The following FHIT variants were observed in gnomAD, a reference collection of about 807,000 sequenced individuals.
FHIT encodes bis(5'-adenosyl)-triphosphatase.
In FHIT, 19 loss-of-function variants were observed where a neutral mutation model predicts 17.9. The ratio of observed to expected loss-of-function variants is 1.06; its 90% CI spans 0.74 to 1.56. The LOEUF is 1.56. Ranked by LOEUF, FHIT falls within the 40% of genes most tolerant of loss-of-function variation. FHIT has a pLI of 0.00. For missense variants in FHIT, 248 were observed against 189.2 expected (o/e 1.31, Z -1.82); for synonymous variants, 81 against 69.7 (o/e 1.16, Z -0.81).
chr3:59,816,125 G>C lies in FHIT; in HGVS notation c.349-63804C>G, dbSNP rs535278241. On this transcript the variant is annotated intron_variant, in intron 8 of 9. Transcript: ENST00000492590. ...TGGATCTGGGAGGCTGTGTCTCACA[G>C]AGAGTGACAGCCAAGACTGAATAAC... Among the ~76,000 whole-genome samples the C allele has an allele frequency of 2.6e-5, 4 of 152,262 alleles. No homozygotes were observed. In the South Asian group the frequency reaches 8.3e-4, roughly 32 times the overall value.
intron 3 of FHIT, among the ~76,000 whole-genome samples, chr3:60,840,077 G>C (rs926048999): frequency 6.6e-6 from 1 of 152,050 alleles, no homozygotes; most frequent in Non-Finnish European, 1.5e-5. Context: ...TTAGAGGAAA[G>C]ATATCTTCAG....
chr3:61,193,987 T>C (rs909130474), intron 2 of FHIT, among the ~76,000 whole-genome samples: 73 of 135,410 alleles, frequency 5.4e-4, no homozygotes, highest in African/African-American at 2.0e-3. Context: ...CACAGCTGTG[T>C]AGAAATGTGG....
intron 8 of FHIT, among the ~76,000 whole-genome samples, chr3:59,767,336 T>C (rs1575461281): frequency 6.6e-6 from 1 of 152,070 alleles, no homozygotes; most frequent in African/African-American, 2.4e-5. Flanking sequence ...CTATCTCTAC[T>C]AAAAATGCAA....
chr3:60,019,384 T>C (rs1049478731), intron 5 of FHIT, among the ~76,000 whole-genome samples: 13 of 150,044 alleles, frequency 8.7e-5, no homozygotes, highest in African/African-American at 3.2e-4. Context: ...AGTGAGTAAA[T>C]ACAGGATGGC....
chr3:60,272,025 G>A (rs980121858), intron 5 of FHIT, among the ~76,000 whole-genome samples: 1 of 152,190 alleles, frequency 6.6e-6, no homozygotes, highest in African/African-American at 2.4e-5. Context: ...CTAACTGGAG[G>A]AAGTGAGATG....
chr3:60,399,114 T>C (rs1282014175), intron 5 of FHIT, among the ~76,000 whole-genome samples: 1 of 152,120 alleles, frequency 6.6e-6, no homozygotes, highest in Admixed American at 6.6e-5. Context: ...GTAACAATAA[T>C]TTGCTGGCCA....
At chr3:59,846,869 C>G (rs633189) in intron 8 of FHIT, among the ~76,000 whole-genome samples, 86,252 of 151,902 alleles carry the variant, frequency 0.57, 25,821 homozygotes, top group Admixed American at 0.68. Flanking sequence ...TATTGGCTGA[C>G]AGTTTTTTTT....
intron 5 of FHIT, among the ~76,000 whole-genome samples, chr3:60,291,787 G>C (rs562012716): frequency 1.3e-5 from 2 of 152,126 alleles, no homozygotes; most frequent in South Asian, 4.2e-4. Flanking sequence ...TGGGAGATTT[G>C]GGCACAGTGA....
At chr3:60,397,723 T>G (rs1339225255) in intron 5 of FHIT, among the ~76,000 whole-genome samples, 1 of 152,174 alleles carries the variant, frequency 6.6e-6, no homozygotes, top group African/African-American at 2.4e-5. Context: ...GAAAACAGTT[T>G]AAAGCCTGAA....
chr3:60,955,587 C>CGTATATATACAT (rs1553778423), intron 3 of FHIT, among the ~76,000 whole-genome samples: 1 of 22,912 alleles, frequency 4.4e-5, no homozygotes, highest in African/African-American at 2.5e-4. Context: ...TCTGCTTAGG[C>CGTATATATACAT]ATATATATAC....
intron 5 of FHIT, among the ~76,000 whole-genome samples, chr3:60,147,935 AG>A (rs1210516735): frequency 6.6e-6 from 1 of 152,190 alleles, no homozygotes; most frequent in African/African-American, 2.4e-5. Context: ...TCAAGGTGGA[AG>A]GCTCTGATGA....
intron 3 of FHIT, among the ~76,000 whole-genome samples, chr3:60,885,034 C>T (rs971657573): frequency 2.0e-5 from 3 of 151,404 alleles, no homozygotes; most frequent in Non-Finnish European, 4.4e-5. Flanking sequence ...ATGGGTGCTA[C>T]TAGAGCCTGG....
intron 5 of FHIT, among the ~76,000 whole-genome samples, chr3:60,203,178 T>C (rs946237584): frequency 3.9e-5 from 6 of 152,192 alleles, no homozygotes; most frequent in Non-Finnish European, 8.8e-5. Context: ...ATGAAGTGTG[T>C]GTGAGTCTTT....
At chr3:60,532,962 TA>T (rs1228844793) in intron 5 of FHIT, among the ~76,000 whole-genome samples, 1 of 151,768 alleles carries the variant, frequency 6.6e-6, no homozygotes, top group East Asian at 1.9e-4. Flanking sequence ...ATGCCATTTT[TA>T]AGAAGAAGTC....
intron 5 of FHIT, among the ~76,000 whole-genome samples, chr3:60,487,164 G>A (rs1488993561): frequency 2.0e-5 from 3 of 152,156 alleles, no homozygotes; most frequent in Non-Finnish European, 4.4e-5. Flanking sequence ...GCTAGTAAGG[G>A]ACTGAGTAAG....
intron 3 of FHIT, among the ~76,000 whole-genome samples, chr3:60,826,073 C>T (rs1283063794): frequency 1.3e-5 from 2 of 151,520 alleles, no homozygotes; most frequent in East Asian, 1.9e-4. Context: ...ATGATCATTA[C>T]ACTAGTTTTT....
chr3:59,894,714 G>T (rs185694406), intron 8 of FHIT, among the ~76,000 whole-genome samples: 2 of 152,252 alleles, frequency 1.3e-5, no homozygotes, highest in East Asian at 3.9e-4. Flanking sequence ...TATTTTCAGG[G>T]CATTGCAAAG....
intron 5 of FHIT, among the ~76,000 whole-genome samples, chr3:60,392,436 C>T (rs1461166977): frequency 6.6e-6 from 1 of 152,150 alleles, no homozygotes; most frequent in African/African-American, 2.4e-5. Context: ...AGACCATCAA[C>T]ATCAATTTCC....
chr3:59,892,360 G>C (rs551667896), intron 8 of FHIT, among the ~76,000 whole-genome samples: 1 of 152,330 alleles, frequency 6.6e-6, no homozygotes, highest in African/African-American at 2.4e-5. Flanking sequence ...ATGCCAAGGA[G>C]GGCAGTCAGT....
Sources: allele counts gnomAD v4.1 joint callset (sites outside exome capture counted in the v4.1 genomes callset), GRCh38; gene constraint gnomAD v4.1.1; transcripts MANE v1.5; gene names NCBI Gene and HGNC (gene_info 2026-07-23, HGNC 2026-07-21).